TMEM35B: variants seen among roughly 807,000 people sequenced by gnomAD.
TMEM35B encodes ZMYM6 neighbor protein.
A neutral mutation model predicts 8.7 loss-of-function variants in TMEM35B; 6 were observed. The ratio of observed to expected loss-of-function variants is 0.69; its 90% CI spans 0.38 to 1.36. TMEM35B has a LOEUF of 1.36. Ranked by LOEUF, TMEM35B falls within the 40% of genes most tolerant of loss-of-function variation. The pLI is 0.02. For synonymous variants in TMEM35B, 89 were observed against 87.0 expected, an observed-to-expected ratio of 1.02 and a Z score of -0.13; for missense variants, 176 against 181.6, an observed-to-expected ratio of 0.97 and a Z score of 0.18.
exon 2 of TMEM35B, chr1:34,983,936 G>A (rs1006876675): frequency 6.5e-5 from 98 of 1,508,118 alleles, no homozygotes; most frequent in Admixed American, 1.5e-4. Flanking sequence ...CAAACTGCAC[G>A]AACAGGGCAT....
exon 1 of TMEM35B, chr1:34,985,246 C>T: frequency 6.5e-7 from 1 of 1,546,446 alleles, no homozygotes; most frequent in South Asian, 1.2e-5. Context: ...GCTTGGCCAA[C>T]CCCACGAGCG....
chr1:34,984,917 G>T (rs1295844222), intron 1 of TMEM35B, among the ~76,000 whole-genome samples: 1 of 151,134 alleles, frequency 6.6e-6, no homozygotes, highest in Non-Finnish European at 1.5e-5. Flanking sequence ...CCAGGGTCCG[G>T]GGGGGTGGGA....
chr1:34,984,471 T>A (rs1348867330), intron 1 of TMEM35B, among the ~76,000 whole-genome samples: 1 of 152,196 alleles, frequency 6.6e-6, no homozygotes, highest in East Asian at 1.9e-4. Flanking sequence ...CCTCCCCTCC[T>A]CAGCTCTGCT....
At chr1:34,981,752 T>C (rs1399093605) in exon 3 of TMEM35B, 4 of 390,464 alleles carry the variant, frequency 1.0e-5, no homozygotes, top group Non-Finnish European at 1.7e-5. Context: ...ACATGAGGAA[T>C]GTTAATATGC....
exon 1 of TMEM35B, chr1:34,985,250 A>G: frequency 8.4e-6 from 13 of 1,545,298 alleles, no homozygotes; most frequent in Non-Finnish European, 1.1e-5. Flanking sequence ...GGCCAACCCC[A>G]CGAGCGCGAA....
At chr1:34,984,885 T>C (rs1021774518) in intron 1 of TMEM35B, among the ~76,000 whole-genome samples, 2 of 151,698 alleles carry the variant, frequency 1.3e-5, no homozygotes, top group Non-Finnish European at 2.9e-5. Flanking sequence ...GTGAGCTCAT[T>C]TTCCCACCGC....
chr1:34,981,965 T>G (rs552436327), exon 3 of TMEM35B: 185 of 1,542,282 alleles, frequency 1.2e-4, no homozygotes, highest in Non-Finnish European at 1.5e-4. Context: ...ATTCCTTGAA[T>G]GTACTTAGAG....
chr1:34,985,208 G>A (rs1295149029), exon 1 of TMEM35B: 2 of 1,537,106 alleles, frequency 1.3e-6, no homozygotes, highest in South Asian at 2.4e-5. Context: ...CATCCGCTCC[G>A]AAACTGGAGC....
At chr1:34,985,279 A>C in exon 1 of TMEM35B, 7 of 1,541,730 alleles carry the variant, frequency 4.5e-6, no homozygotes, top group Non-Finnish European at 6.1e-6. Context: ...CCAGCAGTAC[A>C]CGCAGCACCG....
At chr1:34,983,736 C>G (rs1303514392) in intron 2 of TMEM35B, 31 bp downstream of exon 2, 2 of 1,446,682 alleles carry the variant, frequency 1.4e-6, no homozygotes, top group African/African-American at 1.4e-5. Context: ...CCCAGAAGAC[C>G]CCATTTTCTC....
chr1:34,982,814 T>A (rs1640521806), intron 2 of TMEM35B, among the ~76,000 whole-genome samples: 1 of 152,102 alleles, frequency 6.6e-6, no homozygotes, highest in East Asian at 1.9e-4. Flanking sequence ...AAGATTAAGA[T>A]GGAGGGAAGG....
At chr1:34,983,527 A>T (rs141024153) in intron 2 of TMEM35B, among the ~76,000 whole-genome samples, 7,908 of 143,722 alleles carry the variant, frequency 0.055, 286 homozygotes, top group Non-Finnish European at 0.084. Flanking sequence ...TGCAGTGAGC[A>T]GAGATAGTGC....
intron 1 of TMEM35B, among the ~76,000 whole-genome samples, chr1:34,984,223 G>A (rs376008978): frequency 6.6e-6 from 1 of 152,362 alleles, no homozygotes; most frequent in African/African-American, 2.4e-5. Flanking sequence ...CCAAATCCCA[G>A]GAGGAGGGGG....
rs773073312 is a variant in TMEM35B, at chr1:34,983,908, T to C, written c.148A>G (p.Lys50Glu). Residue 50 changes from lysine (K) to glutamate (E), a missense_variant, in exon 2 of 3, where the codon AAG becomes GAG. Coordinates refer to ENST00000373337, the Ensembl canonical transcript of TMEM35B. The stretch of plus-strand genomic sequence containing the variant: ...GGATCTGGCTGGTAGCCAAATACCT[T>C]CAGCGGGAACACCTCAGCAAACTGC... 3.3e-6 allele frequency: 5 copies of C among 1,537,666 alleles called. No individual in the cohort carries two copies. In the South Asian group the frequency reaches 6.2e-5, roughly 19 times the overall value.
downstream of TMEM35B, chr1:34,981,428 G>A (rs1006338737): frequency 1.3e-5 from 2 of 152,274 alleles, no homozygotes; most frequent in Non-Finnish European, 2.9e-5. Context: ...GCAAAAAATT[G>A]AGAATAACCC....
chr1:34,984,820 C>T (rs1459180600), intron 1 of TMEM35B, among the ~76,000 whole-genome samples: 1 of 152,150 alleles, frequency 6.6e-6, no homozygotes, highest in Non-Finnish European at 1.5e-5. Context: ...CACCCCAACC[C>T]CACGAACCTC....
Position 34,985,183 on chromosome 1 carries a change from G to A in TMEM35B, c.108+15C>T, listed in dbSNP as rs566607894. 847 of 1,527,378 alleles carry A rather than the reference G, an allele frequency of 5.5e-4. 7 individuals carry two copies. In the Middle Eastern group the frequency reaches 0.016, roughly 30 times the overall value. The allele number at this position is 1,527,378 out of a possible 1,614,324, so 94.6% of individuals were successfully genotyped here. On this transcript the variant is annotated intron_variant, in intron 1 of 2. Transcript: ENST00000373337. ...CCGCGGGCCCGATCCCCTGCCGCCC[G>A]CCCGCGCCGCTCACCATCCGCTCCG...
Position 34,983,985 on chromosome 1 carries a change from C to G in TMEM35B, c.109-38G>C, listed in dbSNP as rs1283481385. 4 of 1,423,232 alleles carry G rather than the reference C, an allele frequency of 2.8e-6. No homozygotes were observed. In the East Asian group the frequency reaches 8.3e-5, roughly 29 times the overall value. 88.2% of individuals were successfully genotyped at this position (1,423,232 alleles called of 1,614,324 possible). A position where few individuals can be genotyped will look rare whatever the true frequency, so the allele number is the denominator to read the frequency against. On this transcript the variant is annotated intron_variant, in intron 1 of 2. Coordinates refer to ENST00000373337, the Ensembl canonical transcript of TMEM35B. ...AGGAATGCCTGTTAGCCTCATTGTT[C>G]AACAAGGATGAGCTCCCCAGATGCT...
chr1:34,983,265 T>G (rs1640525849), intron 2 of TMEM35B, among the ~76,000 whole-genome samples: 1 of 152,146 alleles, frequency 6.6e-6, no homozygotes, highest in Non-Finnish European at 1.5e-5. Context: ...GATAATGTTC[T>G]AGCACATTAA....
Sources: gnomAD v4.1 joint callset for allele counts (sites outside exome capture counted in the v4.1 genomes callset) on GRCh38, gnomAD v4.1.1 for gene constraint, MANE v1.5 for transcripts, NCBI Gene and HGNC (gene_info 2026-07-23, HGNC 2026-07-21) for gene names.